Variants in NRXN1 observed in about 807,000 individuals in gnomAD.
The protein encoded by NRXN1 is neurexin 1, also known as neurexin-1.
A neutral mutation model predicts 150.9 loss-of-function variants in NRXN1; 39 were observed. The observed-to-expected ratio is 0.26, with a 90% CI of 0.20 to 0.34. The LOEUF (loss-of-function observed/expected upper bound fraction) is 0.34. Ranked by LOEUF, NRXN1 falls within the 10% of genes least tolerant of loss-of-function variation. The pLI is 1.00. For synonymous variants in NRXN1, 924 were observed against 757.0 expected, an observed-to-expected ratio of 1.22 and a Z score of -3.62; for missense variants, 1,815 against 1,949.9, an observed-to-expected ratio of 0.93 and a Z score of 1.30.
chr2:50,647,564 C>G (rs577774298), intron 5 of NRXN1, among the ~76,000 whole-genome samples: 2 of 151,840 alleles, frequency 1.3e-5, no homozygotes, highest in African/African-American at 2.4e-5. Flanking sequence ...TGCAAAGTAG[C>G]GCATACTATG....
At chr2:50,977,065 G>A (rs1695958463) in intron 2 of NRXN1, among the ~76,000 whole-genome samples, 1 of 151,784 alleles carries the variant, frequency 6.6e-6, no homozygotes, top group South Asian at 2.1e-4. Flanking sequence ...TTATAGAGAG[G>A]GAGAAAAACC....
At chr2:50,005,981 C>G (rs17493894) in intron 21 of NRXN1, among the ~76,000 whole-genome samples, 15,507 of 152,182 alleles carry the variant, frequency 0.1, 831 homozygotes, top group Middle Eastern at 0.21. Flanking sequence ...GGTGTCCGTG[C>G]TATTAAAAAC....
intron 18 of NRXN1, among the ~76,000 whole-genome samples, chr2:50,145,965 AG>A (rs1707955017): frequency 6.6e-6 from 1 of 151,610 alleles, no homozygotes; most frequent in Non-Finnish European, 1.5e-5. Flanking sequence ...ACAAATAGCC[AG>A]AAAAAAAAAA....
At chr2:50,429,945 TG>T (rs1405881506) in intron 17 of NRXN1, among the ~76,000 whole-genome samples, 7 of 152,188 alleles carry the variant, frequency 4.6e-5, no homozygotes, top group Admixed American at 6.5e-5. Context: ...AAAATTGCAT[TG>T]ATTTACATAT....
chr2:50,669,752 A>C (rs1017747089), intron 5 of NRXN1, among the ~76,000 whole-genome samples: 1 of 151,674 alleles, frequency 6.6e-6, no homozygotes, highest in Non-Finnish European at 1.5e-5. Context: ...ATCTGAGACA[A>C]AAATTGTGAT....
intron 2 of NRXN1, among the ~76,000 whole-genome samples, chr2:50,926,199 A>T (rs1042887700): frequency 2.6e-5 from 4 of 151,964 alleles, no homozygotes; most frequent in Admixed American, 6.6e-5. Flanking sequence ...AAGAGTTTTT[A>T]AAAAAATCTT....
chr2:50,557,522 C>T (rs1013787582), intron 8 of NRXN1, among the ~76,000 whole-genome samples: 1 of 152,080 alleles, frequency 6.6e-6, no homozygotes, highest in Non-Finnish European at 1.5e-5. Flanking sequence ...GAGAGAATTC[C>T]AGCTCACTCA....
At chr2:50,206,870 C>T (rs188575925) in intron 18 of NRXN1, among the ~76,000 whole-genome samples, 101 of 148,964 alleles carry the variant, frequency 6.8e-4, no homozygotes, top group Non-Finnish European at 1.1e-3. Flanking sequence ...CACACACACA[C>T]AGAAATGGGC....
At chr2:50,801,093 A>T (rs1400537657) in intron 5 of NRXN1, among the ~76,000 whole-genome samples, 1 of 152,108 alleles carries the variant, frequency 6.6e-6, no homozygotes, top group Non-Finnish European at 1.5e-5. Context: ...AATTTCTCTG[A>T]TTCTTTAAAA....
intron 2 of NRXN1, among the ~76,000 whole-genome samples, chr2:50,979,610 C>T (rs1167243486): frequency 6.6e-6 from 1 of 152,020 alleles, no homozygotes; most frequent in Non-Finnish European, 1.5e-5. Flanking sequence ...CTACTATGCA[C>T]AAAATCACAT....
At chr2:49,955,070 A>T (rs1211821769) in intron 21 of NRXN1, among the ~76,000 whole-genome samples, 1 of 152,202 alleles carries the variant, frequency 6.6e-6, no homozygotes, top group Admixed American at 6.5e-5. Context: ...TCTTGACTTT[A>T]AAAATAGAAG....
At chr2:50,865,658 G>GTTGTTTTTTTTTTTTTT in intron 5 of NRXN1, among the ~76,000 whole-genome samples, 1 of 41,832 alleles carries the variant, frequency 2.4e-5, no homozygotes, top group Non-Finnish European at 3.9e-5. Flanking sequence ...GCATTTGAAA[G>GTTGTTTTTTTTTTTTTT]TTTTTTTTTT....
chr2:50,709,591 G>A (rs1342452740), intron 5 of NRXN1, among the ~76,000 whole-genome samples: 2 of 152,032 alleles, frequency 1.3e-5, no homozygotes, highest in Non-Finnish European at 2.9e-5. Context: ...CACCAAGAAG[G>A]ATTTGGTTAC....
At chr2:50,912,955 T>C (rs1684735107) in intron 5 of NRXN1, 1 of 151,772 alleles carries the variant, frequency 6.6e-6, no homozygotes, top group South Asian at 2.1e-4. Context: ...TCAGTGCAAA[T>C]CCAACTGCTC....
chr2:50,592,108 C>G lies in NRXN1; in HGVS notation c.1320+27914G>C, dbSNP rs375527303. 2.0e-5 allele frequency among the ~76,000 whole-genome samples: 3 copies of G among 152,338 alleles called. No individual in the cohort carries two copies. In the South Asian group the frequency reaches 6.2e-4, roughly 32 times the overall value. Reference sequence around the variant, plus strand: ...GTCATCGTGCTTCACTCTTTGCATGCGGCATCTCATTTAATCCTCACTATA... The same window carrying G: ...GTCATCGTGCTTCACTCTTTGCATGGGGCATCTCATTTAATCCTCACTATA... On this transcript the variant is annotated intron_variant, in intron 8 of 22. Coordinates refer to ENST00000401669, the MANE Select transcript of NRXN1 (RefSeq NM_001330078.2).
intron 17 of NRXN1, among the ~76,000 whole-genome samples, chr2:50,318,331 G>A (rs1182099768): frequency 6.6e-6 from 1 of 152,130 alleles, no homozygotes; most frequent in African/African-American, 2.4e-5. Context: ...GCAATAGGAA[G>A]TCATCATCCC....
At chr2:50,219,172 A>G (rs2063616790) in intron 18 of NRXN1, among the ~76,000 whole-genome samples, 2 of 152,010 alleles carry the variant, frequency 1.3e-5, no homozygotes, top group African/African-American at 4.8e-5. Context: ...CAGATGACAA[A>G]CAGGTACGTC....
At chr2:50,605,464 G>C (rs1339103865) in intron 8 of NRXN1, among the ~76,000 whole-genome samples, 1 of 152,066 alleles carries the variant, frequency 6.6e-6, no homozygotes, top group Non-Finnish European at 1.5e-5. Context: ...AATTAAAAAT[G>C]GGCTACGGAC....
chr2:50,564,700 T>TG (rs1019683339), intron 8 of NRXN1, among the ~76,000 whole-genome samples: 1 of 152,136 alleles, frequency 6.6e-6, no homozygotes, highest in African/African-American at 2.4e-5. Context: ...ATGTAACTGT[T>TG]GTTCATTTCT....
Sources: allele counts gnomAD v4.1 joint callset (sites outside exome capture counted in the v4.1 genomes callset), GRCh38; gene constraint gnomAD v4.1.1; transcripts MANE v1.5; gene names NCBI Gene and HGNC (gene_info 2026-07-23, HGNC 2026-07-21).